Variants in DPP10 observed in about 807,000 individuals in gnomAD.
DPP10 encodes the protein inactive dipeptidyl peptidase 10.
DPP10 carries 33 observed loss-of-function variants against 120.9 expected under a neutral mutation model. The ratio of observed to expected loss-of-function variants is 0.27; its 90% CI spans 0.21 to 0.37. The LOEUF is 0.37. Among genes scored for constraint, DPP10 ranks in the 10% least tolerant of loss-of-function variants. The pLI is 1.00. For synonymous variants in DPP10, 337 were observed against 326.1 expected, an observed-to-expected ratio of 1.03 and a Z score of -0.36; for missense variants, 816 against 942.8, an observed-to-expected ratio of 0.87 and a Z score of 1.76.
At chr2:115,207,271 A>G (rs930114549) in intron 1 of DPP10, among the ~76,000 whole-genome samples, 5 of 152,086 alleles carry the variant, frequency 3.3e-5, no homozygotes, top group African/African-American at 1.2e-4. Flanking sequence ...ACAGTTACAG[A>G]AGAGTATTTG....
At chr2:114,622,056 A>G (rs1251303158) in intron 1 of DPP10, among the ~76,000 whole-genome samples, 1 of 151,984 alleles carries the variant, frequency 6.6e-6, no homozygotes, top group Non-Finnish European at 1.5e-5. Context: ...ATGAAGTGGT[A>G]AGTTGAGTAA....
At chr2:115,476,789 A>G (rs1055918253) in intron 3 of DPP10, among the ~76,000 whole-genome samples, 1 of 152,200 alleles carries the variant, frequency 6.6e-6, no homozygotes, top group Admixed American at 6.5e-5. Flanking sequence ...AACAAACTGA[A>G]TTTAGCAACA....
chr2:115,800,165 T>G (rs1685024057), intron 19 of DPP10, among the ~76,000 whole-genome samples: 2 of 151,834 alleles, frequency 1.3e-5, no homozygotes, highest in African/African-American at 4.9e-5. Flanking sequence ...TGGTTTTGAT[T>G]TGCATTGCTC....
At chr2:115,369,729 C>T (rs954876646) in intron 3 of DPP10, among the ~76,000 whole-genome samples, 1 of 151,908 alleles carries the variant, frequency 6.6e-6, no homozygotes, top group Non-Finnish European at 1.5e-5. Flanking sequence ...AAAGGATGGG[C>T]CAGAGACATT....
At chr2:115,768,159 T>C in intron 12 of DPP10, 138 bp from the exon 13 acceptor site, 1 of 685,332 alleles carries the variant, frequency 1.5e-6, no homozygotes, top group Non-Finnish European at 2.3e-6. Context: ...ATACATTCAT[T>C]TTTTTAAAAT....
At chr2:115,722,916 G>C (rs921772727) in intron 7 of DPP10, among the ~76,000 whole-genome samples, 2 of 152,306 alleles carry the variant, frequency 1.3e-5, no homozygotes, top group Admixed American at 6.5e-5. Context: ...GTGGTGGTAT[G>C]CAGAACCTGT....
intron 1 of DPP10, among the ~76,000 whole-genome samples, chr2:114,976,775 A>T (rs1010584021): frequency 5.9e-5 from 9 of 152,260 alleles, no homozygotes; most frequent in Admixed American, 5.9e-4. Flanking sequence ...TATTTTATTT[A>T]TTGTGCCTAT....
At chr2:115,454,187 C>A (rs1574894670) in intron 3 of DPP10, among the ~76,000 whole-genome samples, 1 of 151,304 alleles carries the variant, frequency 6.6e-6, no homozygotes, top group Admixed American at 6.6e-5. Context: ...CCAGTAGGAA[C>A]CATAAAAATG....
intron 1 of DPP10, among the ~76,000 whole-genome samples, chr2:115,136,609 G>A (rs1316636134): frequency 6.6e-6 from 1 of 152,024 alleles, no homozygotes; most frequent in Non-Finnish European, 1.5e-5. Context: ...GATTAAAAGG[G>A]GAAATGCTTC....
At chr2:114,919,507 AATT>A (rs1465033464) in intron 1 of DPP10, among the ~76,000 whole-genome samples, 1 of 152,202 alleles carries the variant, frequency 6.6e-6, no homozygotes, top group Non-Finnish European at 1.5e-5. Context: ...CTGTGATTCT[AATT>A]ATTTTTTAAA....
At chr2:115,481,887 C>T (rs1003243359) in intron 3 of DPP10, among the ~76,000 whole-genome samples, 3 of 151,468 alleles carry the variant, frequency 2.0e-5, no homozygotes, top group Admixed American at 6.6e-5. Context: ...TTTGTAGAGC[C>T]CTATATTAGT....
intron 7 of DPP10, among the ~76,000 whole-genome samples, chr2:115,708,190 T>C (rs1375097415): frequency 6.6e-6 from 1 of 151,950 alleles, no homozygotes; most frequent in Admixed American, 6.6e-5. Context: ...GTATGGTCTT[T>C]AACGTTTATG....
intron 1 of DPP10, among the ~76,000 whole-genome samples, chr2:115,009,690 G>A (rs558861549): frequency 1.1e-4 from 16 of 152,062 alleles, no homozygotes; most frequent in African/African-American, 3.9e-4. Context: ...ACGGGTTGAT[G>A]GGTGCAGCAA....
At chr2:114,496,018 G>A (rs1415462283) in intron 1 of DPP10, among the ~76,000 whole-genome samples, 1 of 152,184 alleles carries the variant, frequency 6.6e-6, no homozygotes, top group Non-Finnish European at 1.5e-5. Flanking sequence ...GTCCAGTCAG[G>A]AAAATATAAA....
At chr2:115,051,228 A>G (rs1705456537) in intron 1 of DPP10, among the ~76,000 whole-genome samples, 1 of 152,226 alleles carries the variant, frequency 6.6e-6, no homozygotes, top group Non-Finnish European at 1.5e-5. Context: ...AAGTGTGTTC[A>G]ATGAACTAAA....
intron 1 of DPP10, among the ~76,000 whole-genome samples, chr2:115,029,578 T>A (rs1468666380): frequency 1.3e-5 from 2 of 152,078 alleles, no homozygotes; most frequent in East Asian, 3.8e-4. Flanking sequence ...ATTTGAAAAA[T>A]AGCTTTGCTG....
chr2:115,058,041 A>T (rs900967658), intron 1 of DPP10, among the ~76,000 whole-genome samples: 3 of 152,102 alleles, frequency 2.0e-5, no homozygotes, highest in African/African-American at 7.2e-5. Context: ...GCACTGGGGC[A>T]CTCTTGTACC....
chr2:114,532,605 T>C (rs1686120587), intron 1 of DPP10, among the ~76,000 whole-genome samples: 1 of 152,114 alleles, frequency 6.6e-6, no homozygotes, highest in Non-Finnish European at 1.5e-5. Context: ...TGTTTTTAGG[T>C]TAATTACTTC....
intron 5 of DPP10, among the ~76,000 whole-genome samples, chr2:115,634,079 T>C (rs2149327310): frequency 6.6e-6 from 1 of 152,294 alleles, no homozygotes; most frequent in Non-Finnish European, 1.5e-5. Flanking sequence ...ATCTCTTCAG[T>C]TATTGATACT....
Sources: gnomAD v4.1 joint callset for allele counts (sites outside exome capture counted in the v4.1 genomes callset) on GRCh38, gnomAD v4.1.1 for gene constraint, MANE v1.5 for transcripts, NCBI Gene and HGNC (gene_info 2026-07-23, HGNC 2026-07-21) for gene names.